The following IGF2R variants were observed in gnomAD, a reference collection of about 807,000 sequenced individuals.
IGF2R encodes cation-independent mannose-6-phosphate receptor.
A neutral mutation model predicts 270.6 loss-of-function variants in IGF2R; 91 were observed. That is an observed-to-expected ratio of 0.34 (90% CI 0.28 to 0.40). The LOEUF (loss-of-function observed/expected upper bound fraction) is 0.40. IGF2R is among the 10% of genes least tolerant of loss of function. The pLI is 1.00. For synonymous variants in IGF2R, 1,316 were observed against 1,258.9 expected, an observed-to-expected ratio of 1.05 and a Z score of -0.96; for missense variants, 2,805 against 3,188.3, an observed-to-expected ratio of 0.88 and a Z score of 2.90.
At position 160,064,412 on chromosome 6, in the gene IGF2R, C is replaced by G. The variant is rs2115265265; in HGVS notation, c.3898C>G (p.Gln1300Glu). ...GFHKVAGLLT[Q>E]KLTYENGLLK... ...CTCCTTCTTTACAGGTCTCCTGACT[C>G]AGAAGCTAACTTATGAAAATGGCTT... The change falls in exon 28 of 48, where the codon CAG becomes GAG. Residue 1300 changes from glutamine to glutamate, a missense_variant. Gln to Glu is a conservative substitution (Grantham distance 29, BLOSUM62 2). Transcript: ENST00000356956. 1 of 1,614,134 alleles carries G rather than the reference C, an allele frequency of 6.2e-7. No individual in the cohort carries two copies. The highest frequency in any genetic ancestry group is 8.5e-7 in the Non-Finnish European group (1 of 1,180,018).
At chr6:160,009,906 T>C (rs1279491632) in intron 3 of IGF2R, among the ~76,000 whole-genome samples, 1 of 152,222 alleles carries the variant, frequency 6.6e-6, no homozygotes, top group Non-Finnish European at 1.5e-5. Context: ...CAGTGTCTTA[T>C]CTGAAGAACT....
intron 41 of IGF2R, among the ~76,000 whole-genome samples, chr6:160,085,824 A>G (rs577779565): frequency 6.6e-6 from 1 of 152,348 alleles, no homozygotes; most frequent in South Asian, 2.1e-4. Context: ...CTTGATAAAA[A>G]TCACACACAG....
rs760128656 is a variant in IGF2R, at chr6:160,102,663, G to C, written c.6987G>C (p.Lys2329Asn). 6.2e-7 allele frequency: 1 copy of C among 1,603,238 alleles called. No homozygotes were observed. Among genetic ancestry groups the C allele is most frequent in the Non-Finnish European group, 8.5e-7 (1 of 1,173,392 alleles). Reference sequence around the variant, plus strand: ...TGCTGGCCCTGTTGCTCTACAAGAAGGAGAGGAGGTAAGCGGGTGGCAGGG... The same window carrying C: ...TGCTGGCCCTGTTGCTCTACAAGAACGAGAGGAGGTAAGCGGGTGGCAGGG... ...CCLLALLLYK[K>N]ERRETVISKL... The change falls in exon 46 of 48, where the codon AAG becomes AAC. Residue 2329 changes from lysine to asparagine, a missense_variant. Around this residue, in one of 2 missense-constraint regions of IGF2R, gnomAD observed 1,851 missense variants for 2,207.2 expected, o/e 0.84. Transcript: ENST00000356956. This position sits in a 1 kb window ranked among gnomAD's most constrained non-coding sequence, Gnocchi z 4.5.
Position 160,080,195 on chromosome 6 carries a change from T to C in IGF2R, c.5753T>C (p.Ile1918Thr), listed in dbSNP as rs1778947804. Residue 1918 changes from isoleucine (I) to threonine (T), a missense_variant, in exon 39 of 48, where the codon ATC becomes ACC. By Grantham distance (89) the Ile-to-Thr change is moderately conservative. Around this residue, in one of 2 missense-constraint regions of IGF2R, gnomAD observed 1,851 missense variants for 2,207.2 expected, o/e 0.84. Transcript: ENST00000356956. ...IFNGKSYEECIIESRAKLWCS... is the reference protein window; with the variant it reads ...IFNGKSYEECTIESRAKLWCS... The stretch of plus-strand genomic sequence containing the variant: ...AATGGGAAGAGCTACGAGGAGTGCA[T>C]CATAGAGAGCAGGGCGAAGCTGTGG... The C allele has an allele frequency of 1.2e-6, 2 of 1,614,052 alleles. No homozygotes were observed. Among genetic ancestry groups the C allele is most frequent in the African/African-American group, 1.3e-5 (1 of 74,930 alleles).
rs960630038 is a variant in IGF2R at position 160,056,545 on chromosome 6, G to A, written c.2796+20G>A. ...GACCAGGTACGTGTGCTTTCACCTG[G>A]CCCTCGTGCTGAGCTGCCTGCTGGA... On this transcript the variant is annotated intron_variant, in intron 20 of 47. Transcript: ENST00000356956. 2 of 1,526,360 alleles carry A rather than the reference G, an allele frequency of 1.3e-6. No individual in the cohort carries two copies. Among genetic ancestry groups the A allele is most frequent in the African/African-American group, 1.4e-5 (1 of 73,100 alleles). 94.6% of individuals were successfully genotyped at this position (1,526,360 alleles called of 1,614,324 possible).
intron 4 of IGF2R, among the ~76,000 whole-genome samples, chr6:160,018,656 A>G (rs1299065001): frequency 2.0e-5 from 3 of 152,206 alleles, no homozygotes; most frequent in African/African-American, 7.2e-5. Context: ...CTAGAAATCA[A>G]TTCACAGAGA....
rs569825241 is a variant in IGF2R, at chr6:160,050,103, C to T, written c.2515-370C>T. 6.8e-4 allele frequency among the ~76,000 whole-genome samples: 103 copies of T among 152,290 alleles called. No homozygotes were observed. The highest frequency in any genetic ancestry group is 1.3e-3 in the Non-Finnish European group (89 of 68,032). ...TAGTGGTTAGTGTCAGCCGTTCCAC[C>T]GGAATTCAGGATCTGAAGAACATCT... On this transcript the variant is annotated intron_variant, in intron 18 of 47. Coordinates refer to ENST00000356956, the MANE Select transcript of IGF2R (RefSeq NM_000876.4). The surrounding 1 kb of genome is among the most constrained non-coding windows in gnomAD (Gnocchi z 4.0).
At chr6:159,978,341 A>G (rs1367961075) in intron 1 of IGF2R, among the ~76,000 whole-genome samples, 1 of 151,776 alleles carries the variant, frequency 6.6e-6, no homozygotes, top group East Asian at 1.9e-4. Context: ...TGATAATTCG[A>G]GGTGTGGAGT....
chr6:159,972,147 G>A (rs1783618436), intron 1 of IGF2R, among the ~76,000 whole-genome samples: 1 of 151,702 alleles, frequency 6.6e-6, no homozygotes, highest in Admixed American at 6.6e-5. Flanking sequence ...AAATTTTATC[G>A]TGTCACCAAG....
At chr6:160,017,213 G>A (rs1266314735) in intron 4 of IGF2R, among the ~76,000 whole-genome samples, 1 of 152,086 alleles carries the variant, frequency 6.6e-6, no homozygotes. Context: ...TTTATTATAG[G>A]AATTATAAAA....
At chr6:160,018,337 T>C (rs1777351508) in intron 4 of IGF2R, among the ~76,000 whole-genome samples, 1 of 152,160 alleles carries the variant, frequency 6.6e-6, no homozygotes, top group East Asian at 1.9e-4. Flanking sequence ...CATGCAACTC[T>C]AGAGCACAAG....
chr6:160,014,537 T>G (rs3798189), intron 4 of IGF2R, among the ~76,000 whole-genome samples: 77,918 of 152,104 alleles, frequency 0.51, 20,297 homozygotes, highest in East Asian at 0.83. Context: ...AGATCTTGCC[T>G]ATGTGGAATC....
chr6:160,073,450 C>T lies in IGF2R; in HGVS notation c.4928C>T (p.Pro1643Leu), dbSNP rs769935757. Residue 1643 changes from proline to leucine, a missense_variant, in exon 34 of 48, where the codon CCG becomes CTG. Pro to Leu is a moderately conservative substitution (Grantham distance 98, BLOSUM62 -3). This residue lies in a region of IGF2R where 1,851 missense variants were observed against 2,207.2 expected (regional missense o/e 0.84). Coordinates refer to ENST00000356956, the MANE Select transcript of IGF2R (RefSeq NM_000876.4). ...ACTCTCTTCTTCTCCTGGCACACGC[C>T]GCTGGCCTGCGAGCAAGCGGTGAGT... ...TCTLFFSWHT[P>L]LACEQATECS... 11 of 1,614,122 alleles carry T rather than the reference C, an allele frequency of 6.8e-6. No homozygotes were observed. Among genetic ancestry groups the T allele is most frequent in the South Asian group, 3.3e-5 (3 of 91,094 alleles).
chr6:160,102,482 C>G lies in IGF2R; in HGVS notation c.6843-37C>G. ...GTTGTGGCTGTGGCAGCAGGACCAC[C>G]CTGTGACACGGCTCCTTTTCTGTGA... On this transcript the variant is annotated intron_variant, in intron 45 of 47. Coordinates refer to ENST00000356956, the MANE Select transcript of IGF2R (RefSeq NM_000876.4). The surrounding 1 kb of genome is among the most constrained non-coding windows in gnomAD (Gnocchi z 4.5). The G allele has an allele frequency of 1.3e-6, 2 of 1,598,394 alleles. No homozygotes were observed. Among genetic ancestry groups the G allele is most frequent in the Non-Finnish European group, 1.7e-6 (2 of 1,170,450 alleles).
rs377683622 is a variant in IGF2R at position 160,079,783 on chromosome 6, T to G, written c.5682T>G (p.Pro1894=). ...VLSYVNGDRC[P]PETDDGVPCV... is the part of the protein sequence containing the mutation. ...GTTACGTGAATGGTGATCGTTGCCC[T>G]CCAGGTAAATATTTGCAATGAGGTA... The change falls in exon 38 of 48, where the codon CCT becomes CCG. Residue 1894 remains proline, a synonymous_variant. Transcript: ENST00000356956. 6.9e-7 allele frequency: 1 copy of G among 1,446,852 alleles called. No individual in the cohort carries two copies. The highest frequency in any genetic ancestry group is 1.4e-5 in the African/African-American group (1 of 69,932). 89.6% of individuals were successfully genotyped at this position (1,446,852 alleles called of 1,614,324 possible).
intron 1 of IGF2R, among the ~76,000 whole-genome samples, chr6:159,979,657 C>T (rs1783748712): frequency 6.6e-6 from 1 of 152,050 alleles, no homozygotes; most frequent in African/African-American, 2.4e-5. Flanking sequence ...TGGAAGTGAG[C>T]GAGTGAACCA....
intron 16 of IGF2R, 98 bp downstream of exon 16, chr6:160,047,434 C>A: frequency 1.9e-6 from 2 of 1,033,190 alleles, no homozygotes; most frequent in Non-Finnish European, 2.7e-6. Context: ...GGTTTCCAGC[C>A]AAATCATCAC....
chr6:160,097,201 C>T (rs1314981041), intron 45 of IGF2R, among the ~76,000 whole-genome samples: 1 of 152,248 alleles, frequency 6.6e-6, no homozygotes, highest in Non-Finnish European at 1.5e-5. Flanking sequence ...GAAGGTGGCA[C>T]CTCCATTGGT....
At chr6:160,043,495 T>C (rs1180488801) in intron 12 of IGF2R, among the ~76,000 whole-genome samples, 3 of 152,256 alleles carry the variant, frequency 2.0e-5, no homozygotes, top group Non-Finnish European at 4.4e-5. Context: ...CTCCCTGACA[T>C]GGGCTAAAGC....
Sources: allele counts gnomAD v4.1 joint callset (sites outside exome capture counted in the v4.1 genomes callset), GRCh38; gene constraint gnomAD v4.1.1; regional missense constraint gnomAD v4.1.1; non-coding constraint Gnocchi (gnomAD v3.1); transcripts MANE v1.5; gene names NCBI Gene and HGNC (gene_info 2026-07-23, HGNC 2026-07-21).